The following TRPM3 variants were observed in gnomAD, a reference collection of about 807,000 sequenced individuals.
The protein encoded by TRPM3 is long transient receptor potential channel 3.
A neutral mutation model predicts 181.2 loss-of-function variants in TRPM3; 77 were observed. That is an observed-to-expected ratio of 0.42 (90% CI 0.35 to 0.51). TRPM3 has a LOEUF of 0.51. Among genes scored for constraint, TRPM3 ranks in the 20% least tolerant of loss-of-function variants. The pLI is 0.01. For synonymous variants in TRPM3, 745 were observed against 796.4 expected, an observed-to-expected ratio of 0.94 and a Z score of 1.09; for missense variants, 1,759 against 2,196.7, an observed-to-expected ratio of 0.80 and a Z score of 3.98.
chr9:70,577,920 C>T (rs954482199), intron 22 of TRPM3, among the ~76,000 whole-genome samples: 8 of 152,256 alleles, frequency 5.3e-5, no homozygotes, highest in Admixed American at 2.6e-4. Flanking sequence ...TGTCAGCAAC[C>T]GGCTTTCTTG....
In TRPM3 at chr9:70,864,523, A is replaced by G. The variant is rs2095599087; in HGVS notation, c.178-12T>C. Reference sequence around the variant, plus strand: ...CAGGATTTCTGAGCCTGAAAAAGAAAACAAAAAAAAAAAAAAAAGAAAAAA... The same window carrying G: ...CAGGATTTCTGAGCCTGAAAAAGAAGACAAAAAAAAAAAAAAAAGAAAAAA... On this transcript the variant is annotated splice_polypyrimidine_tract_variant and intron_variant, in intron 1 of 25. Coordinates refer to ENST00000677713, the MANE Select transcript of TRPM3 (RefSeq NM_001366145.2). 3 of 1,437,664 alleles carry G rather than the reference A, an allele frequency of 2.1e-6. No individual in the cohort carries two copies. Among genetic ancestry groups the G allele is most frequent in the Non-Finnish European group, 2.7e-6 (3 of 1,097,426 alleles). 89.1% of individuals were successfully genotyped at this position (1,437,664 alleles called of 1,614,324 possible).
chr9:70,664,641 GTTTTTTTTTTTTT>G (rs71367210), intron 9 of TRPM3, among the ~76,000 whole-genome samples: 3 of 100,216 alleles, frequency 3.0e-5, no homozygotes. Flanking sequence ...TAGGAGAGTA[GTTTTTTTTTTTTT>G]TTTTTTTTTT....
At chr9:70,909,667 T>A (rs2096517459) in intron 1 of TRPM3, among the ~76,000 whole-genome samples, 1 of 152,084 alleles carries the variant, frequency 6.6e-6, no homozygotes, top group African/African-American at 2.4e-5. Context: ...ATAGGAAAGT[T>A]GGCAAAGGAC....
chr9:70,572,326 C>T (rs1212042309), intron 22 of TRPM3, among the ~76,000 whole-genome samples: 1 of 152,134 alleles, frequency 6.6e-6, no homozygotes, highest in Non-Finnish European at 1.5e-5. Flanking sequence ...ACCCAGTCTC[C>T]GTTAATGCTA....
intron 1 of TRPM3, among the ~76,000 whole-genome samples, chr9:71,420,999 AAGAGAGAAAAAG>A (rs2093760030): frequency 9.0e-6 from 1 of 111,038 alleles, no homozygotes; most frequent in Non-Finnish European, 2.0e-5. Flanking sequence ...GAGAGAGAAA[AAGAGAGAAAAAG>A]AGAGAAAAAG....
chr9:71,151,486 G>A (rs897796631), intron 1 of TRPM3, among the ~76,000 whole-genome samples: 4 of 152,042 alleles, frequency 2.6e-5, no homozygotes, highest in East Asian at 1.9e-4. Flanking sequence ...GAAGAATTGT[G>A]TATCTTCTTG....
At position 71,372,296 on chromosome 9, in the gene TRPM3, C is replaced by T. The variant is rs112868076; in HGVS notation, c.183+74357G>A. ...TGTAAATAGTGCTTCAATGAACATA[C>T]GCATCCATATATCTTTATGACAATT... On this transcript the variant is annotated intron_variant, in intron 1 of 24. Transcript: ENST00000357533. 8.7e-3 allele frequency among the ~76,000 whole-genome samples: 1,317 copies of T among 152,204 alleles called. 25 individuals are homozygous for T. Among genetic ancestry groups the T allele is most frequent in the African/African-American group, 0.03 (1,232 of 41,526 alleles).
chr9:71,179,639 C>A (rs2077286785), intron 1 of TRPM3, among the ~76,000 whole-genome samples: 2 of 152,102 alleles, frequency 1.3e-5, no homozygotes, highest in African/African-American at 4.8e-5. Context: ...AAATCACAGA[C>A]TCCATGTTTT....
intron 7 of TRPM3, chr9:70,774,369 CT>C (rs2080934534): frequency 6.6e-6 from 1 of 152,096 alleles, no homozygotes; most frequent in Non-Finnish European, 1.5e-5. Context: ...TCAATATTTT[CT>C]TTTCTCTAGC....
In TRPM3 at chr9:70,911,658, G is replaced by A. The variant is rs73647179; in HGVS notation, c.178-47147C>T. Among the ~76,000 whole-genome samples, 557 of 152,238 alleles carry A rather than the reference G, an allele frequency of 3.7e-3. 2 individuals are homozygous for A. Among genetic ancestry groups the A allele is most frequent in the African/African-American group, 0.013 (534 of 41,550 alleles). On this transcript the variant is annotated intron_variant, in intron 1 of 25. Transcript: ENST00000677713. ...TAGTGATTAAAATGGAAATCTGTAT[G>A]TCAGTAGCCTCCCCTCTGATACTCA...
chr9:70,961,831 T>C (rs1303122364), intron 1 of TRPM3, among the ~76,000 whole-genome samples: 1 of 152,112 alleles, frequency 6.6e-6, no homozygotes, highest in African/African-American at 2.4e-5. Context: ...TGAGACATAT[T>C]ATGTAATGCC....
At chr9:71,215,831 A>G (rs1309895595) in intron 1 of TRPM3, among the ~76,000 whole-genome samples, 4 of 152,200 alleles carry the variant, frequency 2.6e-5, no homozygotes, top group Non-Finnish European at 5.9e-5. Flanking sequence ...GCCAGGATGA[A>G]CAGACAGTTC....
At chr9:70,754,425 G>C (rs1458946488) in intron 8 of TRPM3, among the ~76,000 whole-genome samples, 1 of 152,134 alleles carries the variant, frequency 6.6e-6, no homozygotes, top group African/African-American at 2.4e-5. Flanking sequence ...ATTTCTAGAA[G>C]GACCTATCTT....
intron 6 of TRPM3, among the ~76,000 whole-genome samples, chr9:70,802,248 T>C (rs2089322190): frequency 6.6e-6 from 1 of 152,238 alleles, no homozygotes; most frequent in African/African-American, 2.4e-5. Flanking sequence ...TGAACAATAT[T>C]TTTTCCAGAA....
intron 1 of TRPM3, among the ~76,000 whole-genome samples, chr9:71,277,190 T>G (rs1270721924): frequency 6.6e-6 from 1 of 152,156 alleles, no homozygotes. Flanking sequence ...ATATTCAGGA[T>G]AGCAGCCACC....
At chr9:71,299,635 GGTTA>G (rs2086600294) in intron 1 of TRPM3, among the ~76,000 whole-genome samples, 1 of 152,036 alleles carries the variant, frequency 6.6e-6, no homozygotes, top group South Asian at 2.1e-4. Context: ...ATTGTGCAAT[GGTTA>G]GTTATATTCT....
chr9:70,604,394 T>C (rs2060623342), intron 19 of TRPM3, among the ~76,000 whole-genome samples: 1 of 152,196 alleles, frequency 6.6e-6, no homozygotes, highest in Admixed American at 6.5e-5. Context: ...CCTTACACAA[T>C]GCCTCAAGTC....
intron 22 of TRPM3, among the ~76,000 whole-genome samples, chr9:70,572,200 C>T (rs1012570054): frequency 4.6e-5 from 7 of 151,818 alleles, no homozygotes; most frequent in East Asian, 1.9e-4. Context: ...ATGTGGAATT[C>T]GTAATGCTTT....
intron 1 of TRPM3, among the ~76,000 whole-genome samples, chr9:71,254,908 T>G (rs890829429): frequency 2.0e-5 from 3 of 152,178 alleles, no homozygotes; most frequent in Non-Finnish European, 4.4e-5. Context: ...TTCATCCAGA[T>G]GAGAATGGCT....
Sources: allele counts gnomAD v4.1 joint callset (sites outside exome capture counted in the v4.1 genomes callset), GRCh38; gene constraint gnomAD v4.1.1; transcripts MANE v1.5; gene names NCBI Gene and HGNC (gene_info 2026-07-23, HGNC 2026-07-21).